The following LRP1B variants were observed in gnomAD, a reference collection of about 807,000 sequenced individuals.
The protein encoded by LRP1B is LDL receptor related protein 1B, also known as low-density lipoprotein receptor-related protein 1B.
LRP1B carries 217 observed loss-of-function variants against 556.6 expected under a neutral mutation model. The observed-to-expected ratio is 0.39, with a 90% CI of 0.35 to 0.44. LRP1B has a LOEUF of 0.44. Among genes scored for constraint, LRP1B ranks in the 20% least tolerant of loss-of-function variants. The pLI, the probability that LRP1B is intolerant of heterozygous loss-of-function variation, is 1.00. For missense variants in LRP1B, 5,053 were observed against 5,620.8 expected (o/e 0.90, Z 3.23); for synonymous variants, 2,047 against 1,865.8 (o/e 1.10, Z -2.50).
At chr2:140,947,794 T>C (rs138076656) in intron 20 of LRP1B, among the ~76,000 whole-genome samples, 1 of 152,342 alleles carries the variant, frequency 6.6e-6, no homozygotes, top group African/African-American at 2.4e-5. Flanking sequence ...GTAAAATGTA[T>C]AATCTGATCA....
At chr2:141,471,281 T>TTTTGTTTTTG (rs1553518977) in intron 3 of LRP1B, among the ~76,000 whole-genome samples, 189 of 81,730 alleles carry the variant, frequency 2.3e-3, no homozygotes, top group East Asian at 3.1e-3. Flanking sequence ...TTTTTTTTTT[T>TTTTGTTTTTG]TTTTTTTTTT....
At chr2:140,291,303 T>TAC (rs1683365380) in intron 84 of LRP1B, among the ~76,000 whole-genome samples, 1 of 59,844 alleles carries the variant, frequency 1.7e-5, no homozygotes, top group Non-Finnish European at 3.8e-5. Context: ...TTATTTTATA[T>TAC]ATATATATAT....
chr2:141,392,086 C>G (rs1466508623), intron 3 of LRP1B, among the ~76,000 whole-genome samples: 1 of 152,116 alleles, frequency 6.6e-6, no homozygotes. Context: ...TCTGGATTGA[C>G]TGGTTAAGCT....
chr2:141,966,839 A>C (rs558991211), intron 1 of LRP1B, among the ~76,000 whole-genome samples: 5 of 151,970 alleles, frequency 3.3e-5, no homozygotes, highest in African/African-American at 1.2e-4. Context: ...CGCTGGATAC[A>C]TTCAATTTGT....
chr2:141,329,656 A>AACAAAACAAAAC (rs1341818505), intron 3 of LRP1B, among the ~76,000 whole-genome samples: 3,027 of 40,628 alleles, frequency 0.075, 150 homozygotes, highest in African/African-American at 0.25. Context: ...AAAAAAAAAA[A>AACAAAACAAAAC]AAAAAAAAAC....
chr2:141,363,776 A>C (rs560456167), intron 3 of LRP1B, among the ~76,000 whole-genome samples: 1 of 152,286 alleles, frequency 6.6e-6, no homozygotes, highest in African/African-American at 2.4e-5. Flanking sequence ...AAATTCCCCA[A>C]TTATATTTTG....
intron 45 of LRP1B, among the ~76,000 whole-genome samples, chr2:140,539,854 A>C (rs1296554209): frequency 1.3e-5 from 2 of 152,168 alleles, no homozygotes; most frequent in Non-Finnish European, 2.9e-5. Flanking sequence ...TGCATTTAAA[A>C]TTTTGACCAA....
chr2:141,606,658 A>G (rs1467354408), intron 2 of LRP1B, among the ~76,000 whole-genome samples: 2 of 152,152 alleles, frequency 1.3e-5, no homozygotes, highest in Admixed American at 6.6e-5. Context: ...AAGAGACATC[A>G]AGGGTATGCA....
At chr2:140,659,732 C>A (rs1361850430) in intron 41 of LRP1B, among the ~76,000 whole-genome samples, 2 of 151,876 alleles carry the variant, frequency 1.3e-5, no homozygotes, top group Admixed American at 6.6e-5. Context: ...TAAAACGATA[C>A]AATTTAATGT....
chr2:141,241,457 C>T (rs975453413), intron 5 of LRP1B, among the ~76,000 whole-genome samples: 1 of 151,956 alleles, frequency 6.6e-6, no homozygotes, highest in African/African-American at 2.4e-5. Context: ...GGAGAGGACA[C>T]ACTTATGTAG....
At chr2:140,834,530 G>T (rs748516084) in intron 31 of LRP1B, among the ~76,000 whole-genome samples, 14 of 152,086 alleles carry the variant, frequency 9.2e-5, no homozygotes, top group Admixed American at 2.0e-4. Flanking sequence ...GAGCCCCCGC[G>T]CCTGGCCATA....
chr2:141,568,188 G>C (rs1358885033), intron 2 of LRP1B, among the ~76,000 whole-genome samples: 1 of 151,142 alleles, frequency 6.6e-6, no homozygotes, highest in Non-Finnish European at 1.5e-5. Flanking sequence ...GATAAAGTTA[G>C]AGCATTAAGG....
chr2:141,509,147 A>G (rs1684033702), intron 2 of LRP1B, among the ~76,000 whole-genome samples: 1 of 152,154 alleles, frequency 6.6e-6, no homozygotes, highest in Non-Finnish European at 1.5e-5. Flanking sequence ...AGAAAGAAAG[A>G]TACTTCCTCA....
chr2:141,451,713 G>C (rs1478627561), intron 3 of LRP1B, among the ~76,000 whole-genome samples: 1 of 151,924 alleles, frequency 6.6e-6, no homozygotes, highest in African/African-American at 2.4e-5. Flanking sequence ...CTCTCTTATT[G>C]TATCTTAATT....
At chr2:140,644,377 C>G (rs1684404356) in intron 41 of LRP1B, among the ~76,000 whole-genome samples, 1 of 150,536 alleles carries the variant, frequency 6.6e-6, no homozygotes, top group Non-Finnish European at 1.5e-5. Context: ...ATAATAGCAT[C>G]AATCATTTCT....
At chr2:141,437,849 A>G (rs1282966772) in intron 3 of LRP1B, among the ~76,000 whole-genome samples, 1 of 152,058 alleles carries the variant, frequency 6.6e-6, no homozygotes, top group Non-Finnish European at 1.5e-5. Flanking sequence ...TTTTATATGT[A>G]AACTATTGGA....
chr2:141,727,775 T>G (rs962631292), intron 2 of LRP1B, among the ~76,000 whole-genome samples: 1 of 152,098 alleles, frequency 6.6e-6, no homozygotes, highest in African/African-American at 2.4e-5. Context: ...ATTTTATATG[T>G]GTGTATATAT....
In LRP1B at chr2:140,491,271, G is replaced by A. The variant is rs566603424; in HGVS notation, c.9120+1337C>T. Reference sequence around the variant, plus strand: ...TTAGTTAAACTTATGGTTCAGCTGAGCTTAAAAATATTCTAAAGAGATAAC... The same window carrying A: ...TTAGTTAAACTTATGGTTCAGCTGAACTTAAAAATATTCTAAAGAGATAAC... On this transcript the variant is annotated intron_variant, in intron 57 of 90. Transcript: ENST00000389484. 3.9e-5 allele frequency among the ~76,000 whole-genome samples: 6 copies of A among 152,142 alleles called. No homozygotes were observed. The East Asian group carries it at 1.2e-3, about 29-fold the overall frequency.
intron 77 of LRP1B, among the ~76,000 whole-genome samples, chr2:140,338,042 G>T (rs1430290446): frequency 1.3e-5 from 2 of 151,104 alleles, no homozygotes; most frequent in African/African-American, 4.9e-5. Flanking sequence ...CACATTTCTA[G>T]GGTAAAGAAC....
Sources: allele counts gnomAD v4.1 joint callset (sites outside exome capture counted in the v4.1 genomes callset), GRCh38; gene constraint gnomAD v4.1.1; transcripts MANE v1.5; gene names NCBI Gene and HGNC (gene_info 2026-07-23, HGNC 2026-07-21).